The following DMBT1 variants were observed in gnomAD, a reference collection of about 807,000 sequenced individuals.
The protein encoded by DMBT1 is scavenger receptor cysteine-rich domain-containing protein DMBT1.
In DMBT1, 198 loss-of-function variants were observed where a neutral mutation model predicts 252.9. The observed-to-expected ratio is 0.78, with a 90% CI of 0.70 to 0.88. The LOEUF (loss-of-function observed/expected upper bound fraction) is 0.88. Among genes scored for constraint, DMBT1 ranks in the 40% least tolerant of loss-of-function variants. DMBT1 has a pLI of 0.00. For missense variants in DMBT1, 2,432 were observed against 2,404.7 expected (o/e 1.01, Z -0.24); for synonymous variants, 990 against 942.7 (o/e 1.05, Z -0.92).
In DMBT1 at chr10:122,579,837, C is replaced by G. The variant is rs1220935193; in HGVS notation, c.939C>G (p.Cys313Trp). The G allele has an allele frequency of 6.2e-7, 1 of 1,613,588 alleles. No individual in the cohort carries two copies. ...GACATGAGTCCTACCTGTGGAGCTGCCCCCACAATGGCTGGCTCACCCACA... is the reference window on the plus strand; with the variant it reads ...GACATGAGTCCTACCTGTGGAGCTGGCCCCACAATGGCTGGCTCACCCACA... The part of the protein sequence containing the change: ...CSGHESYLWS[C>W]PHNGWLTHNC... Residue 313 changes from cysteine (C) to tryptophan (W), a missense_variant, in exon 10 of 56, where the codon TGC becomes TGG. Coordinates refer to ENST00000338354, the MANE Select transcript of DMBT1 (RefSeq NM_001377530.1).
rs1001707262 is a variant in DMBT1, at chr10:122,589,318, G to T, written c.2107+51G>T. 35 of 1,584,740 alleles carry T rather than the reference G, an allele frequency of 2.2e-5. 3 individuals carry two copies. In the African/African-American group the frequency reaches 4.7e-4, roughly 21 times the overall value. On this transcript the variant is annotated intron_variant, in intron 17 of 55. Transcript: ENST00000338354. Reference sequence around the variant, plus strand: ...CTCTCTTGGGGTAGATTTTGCCCAGGAAGAGAGGTCTTATGTTCTAATCTC... The same window carrying T: ...CTCTCTTGGGGTAGATTTTGCCCAGTAAGAGAGGTCTTATGTTCTAATCTC...
At chr10:122,622,725 C>T (rs2098082197) in intron 44 of DMBT1, among the ~76,000 whole-genome samples, 1 of 152,128 alleles carries the variant, frequency 6.6e-6, no homozygotes, top group Non-Finnish European at 1.5e-5. Context: ...AGTTCTATAC[C>T]CATCTTTGTG....
At position 122,619,341 on chromosome 10, in the gene DMBT1, A is replaced by G. The variant is rs780093793; in HGVS notation, c.5245+4A>G. 3 of 1,613,826 alleles carry G rather than the reference A, an allele frequency of 1.9e-6. No individual in the cohort carries two copies. The highest frequency in any genetic ancestry group is 2.5e-6 in the Non-Finnish European group (3 of 1,179,872). ...TCCCAGTCAACGCCCAGGCCAGGTGAGTCCCCAGCATCCTTCATCGGGATG... is the reference window on the plus strand; with the variant it reads ...TCCCAGTCAACGCCCAGGCCAGGTGGGTCCCCAGCATCCTTCATCGGGATG... On this transcript the variant is annotated splice_donor_region_variant and intron_variant, in intron 42 of 55. Coordinates refer to ENST00000338354, the MANE Select transcript of DMBT1 (RefSeq NM_001377530.1).
chr10:122,576,696 G>T lies in DMBT1; in HGVS notation c.581G>T (p.Gly194Val), dbSNP rs1361255787. Reference sequence around the variant, plus strand: ...TGGCTCTCCCATAACTGTGGCCATGGTGAAGATGCTGGTGTTATCTGCTCA... The same window carrying T: ...TGGCTCTCCCATAACTGTGGCCATGTTGAAGATGCTGGTGTTATCTGCTCA... ...NGWLSHNCGH[G>V]EDAGVICSAA... Residue 194 changes from glycine (G) to valine (V), a missense_variant, in exon 7 of 56, where the codon GGT (glycine) becomes GTT (valine). By Grantham distance (109) the Gly-to-Val change is moderately radical (BLOSUM62 -3). Transcript: ENST00000338354. 1.2e-6 allele frequency: 2 copies of T among 1,613,684 alleles called. No individual in the cohort carries two copies. The highest frequency in any genetic ancestry group is 1.3e-5 in the African/African-American group (1 of 74,934).
intron 16 of DMBT1, 103 bp from the exon 17 acceptor site, chr10:122,588,841 C>T (rs745864588): frequency 6.5e-7 from 1 of 1,549,702 alleles, no homozygotes; most frequent in African/African-American, 1.3e-5. Flanking sequence ...GACTGCCTGC[C>T]CAGGTGACTT....
In DMBT1 at chr10:122,579,843, C is replaced by T. The variant is rs745480220; in HGVS notation, c.945C>T (p.His315=). ...AGTCCTACCTGTGGAGCTGCCCCCA[C>T]AATGGCTGGCTCACCCACAACTGTG... ...GHESYLWSCP[H]NGWLTHNCGH... is the part of the protein sequence containing the mutation. Residue 315 remains histidine (H), a synonymous_variant, in exon 10 of 56, where the codon CAC becomes CAT. Transcript: ENST00000338354. 1.9e-6 allele frequency: 3 copies of T among 1,613,702 alleles called. No homozygotes were observed. The highest frequency in any genetic ancestry group is 2.5e-6 in the Non-Finnish European group (3 of 1,179,662).
rs372075793 is a variant in DMBT1 at position 122,598,944 on chromosome 10, C to G, written c.3127C>G (p.Pro1043Ala). The change falls in exon 26 of 56, where the codon CCA becomes GCA. Residue 1043 changes from proline (P) to alanine (A), a missense_variant. Pro to Ala is a conservative substitution (Grantham distance 27). This residue lies in a region of DMBT1 where 1,264 missense variants were observed against 1,082.2 expected (regional missense o/e 1.17). Transcript: ENST00000338354. ...QLGCGWAMSAPGNARFGQGSG... is the reference protein window; with the variant it reads ...QLGCGWAMSAAGNARFGQGSG... ...GGGCTGTGGCTGGGCCATGTCAGCC[C>G]CAGGAAATGCCCGGTTTGGTCAGGG... 20 of 1,613,626 alleles carry G rather than the reference C, an allele frequency of 1.2e-5. No individual in the cohort carries two copies. The African/African-American group carries it at 2.4e-4, about 19-fold the overall frequency.
At chr10:122,561,827 C>T (rs897156471) in intron 1 of DMBT1, among the ~76,000 whole-genome samples, 1 of 150,070 alleles carries the variant, frequency 6.7e-6, no homozygotes, top group Non-Finnish European at 1.5e-5. Flanking sequence ...ACCTTTCCTC[C>T]CTCCCTCCTC....
At chr10:122,566,325 CT>C (rs71026026) in intron 2 of DMBT1, among the ~76,000 whole-genome samples, 1 of 148,456 alleles carries the variant, frequency 6.7e-6, no homozygotes, top group African/African-American at 2.5e-5. Flanking sequence ...TTTCTTTTTT[CT>C]TTTTGAGATG....
intron 55 of DMBT1, among the ~76,000 whole-genome samples, chr10:122,641,409 T>C (rs1226333640): frequency 1.3e-5 from 2 of 152,218 alleles, no homozygotes; most frequent in Admixed American, 1.3e-4. Flanking sequence ...GATAAAGAGT[T>C]CTACTAGGAA....
At chr10:122,561,429 TTAGA>T (rs1486220462) in intron 1 of DMBT1, among the ~76,000 whole-genome samples, 5 of 142,304 alleles carry the variant, frequency 3.5e-5, no homozygotes, top group Non-Finnish European at 6.5e-5. Flanking sequence ...CTGTATGTTC[TTAGA>T]GAGTCAGATG....
rs372609278 is a variant in DMBT1, at chr10:122,619,429, C to T, written c.5245+92C>T. 97 of 1,533,092 alleles carry T rather than the reference C, an allele frequency of 6.3e-5. 1 individual carries two copies. The highest frequency in any genetic ancestry group is 5.9e-4 in the East Asian group (26 of 44,342). 95.0% of individuals were successfully genotyped at this position (1,533,092 alleles called of 1,614,324 possible). On this transcript the variant is annotated intron_variant, in intron 42 of 55. Coordinates refer to ENST00000338354, the MANE Select transcript of DMBT1 (RefSeq NM_001377530.1). ...CACAGAGCTCTCCTGCTTTTCTGTGCGGATACTGTGGGGCATATTATTTTT... is the reference window on the plus strand; with the variant it reads ...CACAGAGCTCTCCTGCTTTTCTGTGTGGATACTGTGGGGCATATTATTTTT...
Position 122,586,401 on chromosome 10 carries a change from T to C in DMBT1, c.1783+18T>C, listed in dbSNP as rs1160301022. On this transcript the variant is annotated intron_variant, in intron 16 of 55. Transcript: ENST00000338354. Reference sequence around the variant, plus strand: ...CTGCTCAGGTGGGCCTCCAAGACTTTTGGTTTCCTCTCTTGGGGTAGATTT... The same window carrying C: ...CTGCTCAGGTGGGCCTCCAAGACTTCTGGTTTCCTCTCTTGGGGTAGATTT... The C allele has an allele frequency of 6.3e-7, 1 of 1,587,592 alleles. No individual in the cohort carries two copies. The highest frequency in any genetic ancestry group is 8.6e-7 in the Non-Finnish European group (1 of 1,165,374).
intron 10 of DMBT1, among the ~76,000 whole-genome samples, chr10:122,580,269 C>T (rs1307085553): frequency 6.6e-6 from 1 of 152,200 alleles, no homozygotes; most frequent in South Asian, 2.1e-4. Flanking sequence ...CTGCGAGGAA[C>T]TCTGAACTAA....
intron 17 of DMBT1, among the ~76,000 whole-genome samples, chr10:122,590,219 C>T (rs1437019155): frequency 6.7e-6 from 1 of 148,850 alleles, no homozygotes; most frequent in Non-Finnish European, 1.5e-5. Flanking sequence ...GACTGCAATT[C>T]CCTCCAGAGC....
intron 16 of DMBT1, among the ~76,000 whole-genome samples, chr10:122,587,078 C>T (rs1205039503): frequency 6.7e-6 from 1 of 148,410 alleles, no homozygotes; most frequent in Non-Finnish European, 1.5e-5. Context: ...TCAAGCCTCA[C>T]CTCTATACTT....
In DMBT1 at chr10:122,578,715, CA is replaced by C. The variant is rs769915130; in HGVS notation, c.638-2del. ...TATCCTTTCTCTTTGTTGCTGTTTA[CA>C]GAAAGTTGGCCTGTCAGGATATCAC... On this transcript the variant is annotated splice_acceptor_variant, in intron 8 of 55. Coordinates refer to ENST00000338354, the MANE Select transcript of DMBT1 (RefSeq NM_001377530.1). LOFTEE classifies it high-confidence loss of function. The C allele has an allele frequency of 1.1e-5, 18 of 1,607,532 alleles. No individual in the cohort carries two copies. The highest frequency in any genetic ancestry group is 1.5e-5 in the Non-Finnish European group (18 of 1,176,584).
chr10:122,625,055 T>C (rs558230815), intron 44 of DMBT1, among the ~76,000 whole-genome samples: 1 of 152,372 alleles, frequency 6.6e-6, no homozygotes, highest in Admixed American at 6.5e-5. Context: ...TGTAGGTTCC[T>C]ATAGCAAACA....
intron 2 of DMBT1, among the ~76,000 whole-genome samples, chr10:122,568,924 T>A (rs189418270): frequency 6.6e-6 from 1 of 152,296 alleles, no homozygotes; most frequent in Admixed American, 6.5e-5. Flanking sequence ...GGATATCACC[T>A]TGCTCTGTGT....
Sources: allele counts gnomAD v4.1 joint callset (sites outside exome capture counted in the v4.1 genomes callset), GRCh38; gene constraint gnomAD v4.1.1; regional missense constraint gnomAD v4.1.1; transcripts MANE v1.5; gene names NCBI Gene and HGNC (gene_info 2026-07-23, HGNC 2026-07-21).